Variants in PGBD5 observed in about 807,000 individuals in gnomAD.
PGBD5 encodes piggyBac transposable element-derived protein 5.
Under a neutral mutation model 47.9 loss-of-function variants are expected in PGBD5, and 14 were observed. The ratio of observed to expected loss-of-function variants is 0.29; its 90% CI spans 0.19 to 0.46. The LOEUF (loss-of-function observed/expected upper bound fraction) is 0.46. PGBD5 is among the 20% of genes least tolerant of loss of function. PGBD5 has a pLI of 1.00. For synonymous variants in PGBD5, 316 were observed against 306.3 expected (o/e 1.03, Z -0.33); for missense variants, 635 against 716.0 (o/e 0.89, Z 1.29).
At chr1:230,381,961 T>A (rs1656511678) in intron 1 of PGBD5, among the ~76,000 whole-genome samples, 1 of 152,214 alleles carries the variant, frequency 6.6e-6, no homozygotes. Context: ...ATGAAACTTT[T>A]GTCATTCACA....
chr1:230,395,703 A>C (rs988922581), intron 1 of PGBD5, among the ~76,000 whole-genome samples: 1 of 2,104 alleles, frequency 4.8e-4, no homozygotes, highest in Non-Finnish European at 7.8e-4. Context: ...TCTCATTCCC[A>C]CCCTCCTCCC....
In PGBD5 at chr1:230,314,984, G is replaced by A. The variant is rs6541313; in HGVS notation, c.*8441C>T. ...GTGTGAATCTCCATTTGAGGAAGGGGAAGAAGAGCTTGGAGGGTGACAGCC... is the reference window on the plus strand; with the variant it reads ...GTGTGAATCTCCATTTGAGGAAGGGAAAGAAGAGCTTGGAGGGTGACAGCC... On this transcript the variant is annotated 3_prime_UTR_variant, in exon 7 of 7. Coordinates refer to ENST00000391860, the MANE Select transcript of PGBD5 (RefSeq NM_001258311.2). 0.04 allele frequency: 6,145 copies of A among 152,258 alleles called. 180 individuals carry two copies. The highest frequency in any genetic ancestry group is 0.061 in the Non-Finnish European group (4,169 of 68,018). The allele number at this position is 152,258 out of a possible 1,614,324, so 9.4% of individuals were successfully genotyped here. A position where few individuals can be genotyped will look rare whatever the true frequency, so the allele number is the denominator to read the frequency against.
chr1:230,379,105 C>T (rs1668056105), intron 1 of PGBD5, among the ~76,000 whole-genome samples: 1 of 152,170 alleles, frequency 6.6e-6, no homozygotes, highest in Non-Finnish European at 1.5e-5. Flanking sequence ...TTCTTACTTC[C>T]AGTCCAGCCA....
In PGBD5 at chr1:230,357,287, G is replaced by A. The variant is rs144928166; in HGVS notation, c.366C>T (p.Ala122=). ...PTRKMPPSAS[A]VDFFQLFVPD... is the part of the protein sequence containing the mutation. ...GGACAAAGAGCTGGAAGAAGTCCAC[G>A]GCACTGGCGCTGGGGGGCATCTTTC... The change falls in exon 2 of 7, where the codon GCC becomes GCT. Residue 122 remains alanine, a synonymous_variant. Transcript: ENST00000391860. The surrounding 1 kb of genome is among the most constrained non-coding windows in gnomAD (Gnocchi z 5.7). The A allele has an allele frequency of 1.1e-5, 17 of 1,613,902 alleles. No individual in the cohort carries two copies. Among genetic ancestry groups the A allele is most frequent in the East Asian group, 4.5e-5 (2 of 44,890 alleles).
chr1:230,352,351 T>C (rs1282638456), intron 2 of PGBD5, among the ~76,000 whole-genome samples: 2 of 152,170 alleles, frequency 1.3e-5, no homozygotes, highest in African/African-American at 4.8e-5. Flanking sequence ...ATTGTGATTC[T>C]GTGAGGCCGG....
At chr1:230,410,251 T>G (rs1412423951) in intron 1 of PGBD5, among the ~76,000 whole-genome samples, 1 of 152,118 alleles carries the variant, frequency 6.6e-6, no homozygotes, top group East Asian at 1.9e-4. Flanking sequence ...ATACAGCAAC[T>G]AAAAATTCTT....
intron 5 of PGBD5, among the ~76,000 whole-genome samples, chr1:230,328,304 G>T (rs1231133325): frequency 6.6e-6 from 1 of 152,096 alleles, no homozygotes; most frequent in Non-Finnish European, 1.5e-5. Context: ...TAACATGGGG[G>T]TTTCAGCTTG....
intron 5 of PGBD5, among the ~76,000 whole-genome samples, 167 bp downstream of exon 5, chr1:230,332,677 C>T (rs937021494): frequency 6.6e-6 from 1 of 152,182 alleles, no homozygotes. Flanking sequence ...TCCACACAGC[C>T]GCCACACTTA....
chr1:230,331,778 G>A (rs1217406806), intron 5 of PGBD5, among the ~76,000 whole-genome samples: 3 of 151,614 alleles, frequency 2.0e-5, no homozygotes, highest in African/African-American at 7.3e-5. Context: ...CCAGGTGGGT[G>A]CCACCAGGCC....
At chr1:230,388,132 T>C (rs1656692601) in intron 1 of PGBD5, among the ~76,000 whole-genome samples, 1 of 152,176 alleles carries the variant, frequency 6.6e-6, no homozygotes, top group African/African-American at 2.4e-5. Flanking sequence ...GGAGAGCCAC[T>C]GAAGGGCTGT....
At chr1:230,406,409 G>C (rs1226916487) in intron 1 of PGBD5, among the ~76,000 whole-genome samples, 1 of 150,532 alleles carries the variant, frequency 6.6e-6, no homozygotes, top group Non-Finnish European at 1.5e-5. Flanking sequence ...GACTGTAATA[G>C]CTACTAATTT....
chr1:230,361,549 C>T (rs1667741967), intron 1 of PGBD5, among the ~76,000 whole-genome samples: 1 of 152,180 alleles, frequency 6.6e-6, no homozygotes, highest in African/African-American at 2.4e-5. Flanking sequence ...TGTATAGTGG[C>T]TTGGTAATGC....
At position 230,337,235 on chromosome 1, in the gene PGBD5, C is replaced by G; in HGVS notation, c.948G>C (p.Lys316Asn). The G allele has an allele frequency of 1.9e-6, 3 of 1,614,056 alleles. No individual in the cohort carries two copies. The highest frequency in any genetic ancestry group is 2.5e-6 in the Non-Finnish European group (3 of 1,180,006). The change falls in exon 4 of 7, where the codon AAG becomes AAC. Residue 316 changes from lysine (K) to asparagine (N), a missense_variant. Coordinates refer to ENST00000391860, the MANE Select transcript of PGBD5 (RefSeq NM_001258311.2). ...CCATGCTGTGGAGCTGGGGCTTATT[C>G]TTCAGCGCATCCAGGCCATCTGGGC... ...GGGPDGLDAL[K>N]NKPQLHSMVA...
At chr1:230,395,509 CCT>C (rs139412678) in intron 1 of PGBD5, among the ~76,000 whole-genome samples, 759 of 12,398 alleles carry the variant, frequency 0.061, 150 homozygotes, top group Middle Eastern at 0.11. Context: ...CCTTCCCATC[CCT>C]GAGCTTCTCT....
At chr1:230,384,130 G>A (rs1384969447) in intron 1 of PGBD5, among the ~76,000 whole-genome samples, 2 of 152,158 alleles carry the variant, frequency 1.3e-5, no homozygotes, top group Non-Finnish European at 2.9e-5. Flanking sequence ...AAAGAGGGTC[G>A]GAGCAACCGG....
chr1:230,335,761 A>G (rs377749282), intron 4 of PGBD5, among the ~76,000 whole-genome samples: 23 of 136,692 alleles, frequency 1.7e-4, no homozygotes, highest in East Asian at 2.4e-4. Context: ...ACACAGATAC[A>G]CAGATACAGA....
In PGBD5 at chr1:230,317,726, C is replaced by T. The variant is rs2102805962; in HGVS notation, c.*5699G>A. On this transcript the variant is annotated 3_prime_UTR_variant, in exon 7 of 7. Coordinates refer to ENST00000391860, the MANE Select transcript of PGBD5 (RefSeq NM_001258311.2). ...TGACACGTGAGGGAAGCCGCACACACTCCTCCATCGTCTTCCTAGGTCTTT... is the reference window on the plus strand; with the variant it reads ...TGACACGTGAGGGAAGCCGCACACATTCCTCCATCGTCTTCCTAGGTCTTT... 1 of 152,304 alleles carries T rather than the reference C, an allele frequency of 6.6e-6. No homozygotes were observed. Among genetic ancestry groups the T allele is most frequent in the South Asian group, 2.1e-4 (1 of 4,824 alleles). The allele number at this position is 152,304 out of a possible 1,614,324, so 9.4% of individuals were successfully genotyped here.
At chr1:230,329,153 G>A (rs1437619318) in intron 5 of PGBD5, among the ~76,000 whole-genome samples, 1 of 151,314 alleles carries the variant, frequency 6.6e-6, no homozygotes, top group Admixed American at 6.6e-5. Context: ...TTGCATAGAT[G>A]GGGTCCTGCC....
At chr1:230,388,291 G>A (rs919444102) in intron 1 of PGBD5, among the ~76,000 whole-genome samples, 1 of 152,134 alleles carries the variant, frequency 6.6e-6, no homozygotes, top group Non-Finnish European at 1.5e-5. Context: ...GCAGGACCCT[G>A]GCCTCCTGGA....
Sources: gnomAD v4.1 joint callset for allele counts (sites outside exome capture counted in the v4.1 genomes callset) on GRCh38, gnomAD v4.1.1 for gene constraint, Gnocchi (gnomAD v3.1) non-coding constraint, MANE v1.5 for transcripts, NCBI Gene and HGNC (gene_info 2026-07-23, HGNC 2026-07-21) for gene names.